ZER1: variants seen among roughly 807,000 people sequenced by gnomAD.
The protein encoded by ZER1 is protein zer-1 homolog.
In ZER1, 11 loss-of-function variants were observed where a neutral mutation model predicts 78.8. That is an observed-to-expected ratio of 0.14 (90% CI 0.09 to 0.23). ZER1 has a LOEUF of 0.23. ZER1 is among the 10% of genes least tolerant of loss of function. The probability of loss-of-function intolerance (pLI) is 1.00; values close to 1 mark genes in which losing one functional copy is unlikely to be tolerated. For synonymous variants in ZER1, 400 were observed against 407.0 expected (o/e 0.98, Z 0.21); for missense variants, 588 against 996.9 (o/e 0.59, Z 5.52).
At chr9:128,733,588 C>G in intron 14 of ZER1, 60 bp from the exon 15 acceptor site, 2 of 1,459,844 alleles carry the variant, frequency 1.4e-6, no homozygotes, top group Non-Finnish European at 1.9e-6. Flanking sequence ...GCCCGAGGCC[C>G]AGAAACCCAC....
chr9:128,741,775 G>A (rs373808400), intron 10 of ZER1, 25 bp downstream of exon 10: 17 of 1,614,056 alleles, frequency 1.1e-5, no homozygotes, highest in Middle Eastern at 1.6e-4. Flanking sequence ...AAAGGGTAGC[G>A]TGGCTTCGTG....
At chr9:128,750,520 T>G (rs972762059) in intron 8 of ZER1, 96 bp downstream of exon 8, 1 of 1,426,254 alleles carries the variant, frequency 7.0e-7, no homozygotes, top group African/African-American at 1.4e-5. Context: ...CTGGGACAGA[T>G]GCAGCCCAGA....
At chr9:128,752,226 C>G (rs963591264) in intron 5 of ZER1, among the ~76,000 whole-genome samples, 1 of 152,080 alleles carries the variant, frequency 6.6e-6, no homozygotes, top group African/African-American at 2.4e-5. Flanking sequence ...TTGATTGTCC[C>G]CACCAGCTCA....
In ZER1 at chr9:128,750,973, G is replaced by A. The variant is rs1863656987; in HGVS notation, c.1185+149C>T. The stretch of plus-strand genomic sequence containing the variant: ...CAAGGCCAGTGCTGAAGCAAGTCAA[G>A]TGCTGTGAGGCCCAGGCTGGGGTTC... On this transcript the variant is annotated intron_variant, in intron 7 of 15. Transcript: ENST00000291900. 46 of 1,383,026 alleles carry A rather than the reference G, an allele frequency of 3.3e-5. 1 individual carries two copies. In the South Asian group the frequency reaches 6.2e-4, roughly 19 times the overall value. The allele number at this position is 1,383,026 out of a possible 1,614,324, so 85.7% of individuals were successfully genotyped here. A position where few individuals can be genotyped will look rare whatever the true frequency, so the allele number is the denominator to read the frequency against.
Position 128,753,779 on chromosome 9 carries a change from C to G in ZER1, c.309+30G>C, listed in dbSNP as rs555812618. ...GCCTGGCCCCTGCTTGGTGTGGGCC[C>G]TCCTGGCGCTGTGGCGGGGCAGGTC... is the stretch of plus-strand genomic sequence containing the variant. On this transcript the variant is annotated intron_variant, in intron 3 of 15. Coordinates refer to ENST00000291900, the MANE Select transcript of ZER1 (RefSeq NM_006336.4). This position sits in a 1 kb window ranked among gnomAD's most constrained non-coding sequence, Gnocchi z 7.5. 6 of 1,599,074 alleles carry G rather than the reference C, an allele frequency of 3.8e-6. No individual in the cohort carries two copies. The African/African-American group carries it at 8.0e-5, about 21-fold the overall frequency.
chr9:128,736,210 A>G (rs1863073068), intron 13 of ZER1, among the ~76,000 whole-genome samples: 2 of 152,040 alleles, frequency 1.3e-5, no homozygotes, highest in South Asian at 4.1e-4. Context: ...TCAGCCTCCC[A>G]GAGTGCTGGG....
rs756307389 is a variant in ZER1 at position 128,740,748 on chromosome 9, AG to A, written c.1853+23del. 1.8e-5 allele frequency: 14 copies of A among 779,520 alleles called. No homozygotes were observed. Among genetic ancestry groups the A allele is most frequent in the South Asian group, 1.7e-4 (13 of 74,560 alleles). The allele number at this position is 779,520 out of a possible 1,614,324, so 48.3% of individuals were successfully genotyped here. On this transcript the variant is annotated intron_variant, in intron 12 of 15. Coordinates refer to ENST00000291900, the MANE Select transcript of ZER1 (RefSeq NM_006336.4). The surrounding 1 kb of genome is among the most constrained non-coding windows in gnomAD (Gnocchi z 4.4). The stretch of plus-strand genomic sequence containing the variant: ...GAGCATTGTGGCAGCTAAGGCAAAA[AG>A]GGAAAGGATTAAAAATACCAACCTG...
chr9:128,750,615 C>T lies in ZER1; in HGVS notation c.1359+1G>A. On this transcript the variant is annotated splice_donor_variant, in intron 8 of 15. Coordinates refer to ENST00000291900, the MANE Select transcript of ZER1 (RefSeq NM_006336.4). LOFTEE classifies it high-confidence loss of function. ...CGGGGCCGTGGCGGGTGGGGGCTCA[C>T]CGTCACCTCCTGGTAGGATTCCATG... is the stretch of plus-strand genomic sequence containing the variant. 6.2e-7 allele frequency: 1 copy of T among 1,612,770 alleles called. No homozygotes were observed. The highest frequency in any genetic ancestry group is 8.5e-7 in the Non-Finnish European group (1 of 1,178,882).
chr9:128,745,736 G>A (rs137891307), intron 8 of ZER1: 1 of 152,074 alleles, frequency 6.6e-6, no homozygotes, highest in African/African-American at 2.4e-5. Context: ...CTGCAGCCTC[G>A]AACTCCTGGG....
At chr9:128,739,255 C>CA (rs1466113500) in intron 13 of ZER1, among the ~76,000 whole-genome samples, 1 of 151,874 alleles carries the variant, frequency 6.6e-6, no homozygotes, top group Non-Finnish European at 1.5e-5. Context: ...GTAATCCCAG[C>CA]ACTTTGGGAG....
At chr9:128,758,126 T>G (rs1863921172) in intron 1 of ZER1, among the ~76,000 whole-genome samples, 1 of 150,746 alleles carries the variant, frequency 6.6e-6, no homozygotes, top group Admixed American at 6.6e-5. Context: ...TTTAGGTTTT[T>G]TTTTTTTTTT....
chr9:128,766,155 C>T (rs969825059), intron 1 of ZER1, among the ~76,000 whole-genome samples: 2 of 151,838 alleles, frequency 1.3e-5, no homozygotes, highest in Non-Finnish European at 2.9e-5. Context: ...TTGAGACCAT[C>T]CTGGCCAACA....
intron 8 of ZER1, among the ~76,000 whole-genome samples, chr9:128,743,590 T>C (rs1270659742): frequency 6.6e-6 from 1 of 151,804 alleles, no homozygotes; most frequent in African/African-American, 2.4e-5. Context: ...TGCGCAGCTA[T>C]TTTGTTTTTT....
chr9:128,771,390 C>G (rs1338849077), intron 1 of ZER1, among the ~76,000 whole-genome samples, 191 bp downstream of exon 1: 1 of 152,190 alleles, frequency 6.6e-6, no homozygotes, highest in Non-Finnish European at 1.5e-5. Flanking sequence ...CATTTTCTTT[C>G]TGGAGGAAGG....
chr9:128,754,058 C>T lies in ZER1; in HGVS notation c.159-99G>A. 1 of 1,429,696 alleles carries T rather than the reference C, an allele frequency of 7.0e-7. No individual in the cohort carries two copies. Among genetic ancestry groups the T allele is most frequent in the Non-Finnish European group, 9.4e-7 (1 of 1,060,744 alleles). The allele number at this position is 1,429,696 out of a possible 1,614,324, so 88.6% of individuals were successfully genotyped here. ...TCCCCCTGAAGCTTTCTTGGATCACCCCAAGTAGCAACCTCCTTCTCCTAA... is the reference window on the plus strand; with the variant it reads ...TCCCCCTGAAGCTTTCTTGGATCACTCCAAGTAGCAACCTCCTTCTCCTAA... On this transcript the variant is annotated intron_variant, in intron 2 of 15. Coordinates refer to ENST00000291900, the MANE Select transcript of ZER1 (RefSeq NM_006336.4). The surrounding 1 kb of genome is among the most constrained non-coding windows in gnomAD (Gnocchi z 4.3).
intron 1 of ZER1, among the ~76,000 whole-genome samples, chr9:128,764,895 A>G (rs1864158401): frequency 6.6e-6 from 1 of 152,142 alleles, no homozygotes; most frequent in South Asian, 2.1e-4. Context: ...TACTAGGTCT[A>G]TCATGAACAT....
In ZER1 at chr9:128,751,986, A is replaced by G. The variant is rs79350370; in HGVS notation, c.924-459T>C. Reference sequence around the variant, plus strand: ...ACTGCCAGCCTTGCCTCTTCCCCCCATGGCACTGTGCTCTGGTCAGGCTGA... The same window carrying G: ...ACTGCCAGCCTTGCCTCTTCCCCCCGTGGCACTGTGCTCTGGTCAGGCTGA... On this transcript the variant is annotated intron_variant, in intron 5 of 15. Transcript: ENST00000291900. This position sits in a 1 kb window ranked among gnomAD's most constrained non-coding sequence, Gnocchi z 5.4. 9.1e-4 allele frequency among the ~76,000 whole-genome samples: 138 copies of G among 152,202 alleles called. 1 individual carries two copies. The highest frequency in any genetic ancestry group is 2.8e-3 in the African/African-American group (117 of 41,560).
chr9:128,753,725 GC>G lies in ZER1; in HGVS notation c.309+83del, dbSNP rs1345014840. 6.4e-7 allele frequency: 1 copy of G among 1,558,404 alleles called. No individual in the cohort carries two copies. Among genetic ancestry groups the G allele is most frequent in the Non-Finnish European group, 8.7e-7 (1 of 1,152,256 alleles). On this transcript the variant is annotated intron_variant, in intron 3 of 15. Transcript: ENST00000291900. This position sits in a 1 kb window ranked among gnomAD's most constrained non-coding sequence, Gnocchi z 7.5. Reference sequence around the variant, plus strand: ...CACAGTCACGGTGCACACTGGCTGGGCTGGGGATGGCTGGGCTGGAGGCGAG... The same window carrying G: ...CACAGTCACGGTGCACACTGGCTGGGTGGGGATGGCTGGGCTGGAGGCGAG...
rs1289409595 is a variant in ZER1 at position 128,754,724 on chromosome 9, A to G, written c.158+684T>C. On this transcript the variant is annotated intron_variant, in intron 2 of 15. Coordinates refer to ENST00000291900, the MANE Select transcript of ZER1 (RefSeq NM_006336.4). The surrounding 1 kb of genome is among the most constrained non-coding windows in gnomAD (Gnocchi z 4.3). ...TTTTTGGTAGAGACAAGGTCTCGCT[A>G]TGTCACCCAGGCTGATCTTGAATTT... 2.0e-5 allele frequency among the ~76,000 whole-genome samples: 3 copies of G among 150,034 alleles called. No homozygotes were observed. The highest frequency in any genetic ancestry group is 2.1e-4 in the South Asian group (1 of 4,752).
Sources: allele counts gnomAD v4.1 joint callset (sites outside exome capture counted in the v4.1 genomes callset), GRCh38; gene constraint gnomAD v4.1.1; non-coding constraint Gnocchi (gnomAD v3.1); transcripts MANE v1.5; gene names NCBI Gene and HGNC (gene_info 2026-07-23, HGNC 2026-07-21).